The following PTPRT variants were observed in gnomAD, a reference collection of about 807,000 sequenced individuals.
PTPRT encodes receptor-type tyrosine-protein phosphatase T.
PTPRT carries 56 observed loss-of-function variants against 176.8 expected under a neutral mutation model. The observed-to-expected ratio is 0.32, with a 90% CI of 0.26 to 0.40. PTPRT has a LOEUF of 0.40. Among genes scored for constraint, PTPRT ranks in the 10% least tolerant of loss-of-function variants. PTPRT has a pLI of 1.00. For synonymous variants in PTPRT, 783 were observed against 739.0 expected (o/e 1.06, Z -0.96); for missense variants, 1,540 against 1,908.2 (o/e 0.81, Z 3.60).
chr20:42,643,345 G>C (rs1277113782), intron 7 of PTPRT, among the ~76,000 whole-genome samples: 2 of 151,996 alleles, frequency 1.3e-5, no homozygotes, highest in Non-Finnish European at 2.9e-5. Flanking sequence ...TTTTGAGAGA[G>C]GGTCTTGTTC....
intron 11 of PTPRT, among the ~76,000 whole-genome samples, chr20:42,342,055 T>C (rs1390905106): frequency 1.3e-5 from 2 of 152,222 alleles, no homozygotes; most frequent in East Asian, 3.9e-4. Flanking sequence ...CAAACCCACC[T>C]ACATTATTTG....
At chr20:42,639,131 A>G (rs13041943) in intron 7 of PTPRT, among the ~76,000 whole-genome samples, 3 of 152,180 alleles carry the variant, frequency 2.0e-5, no homozygotes, top group Non-Finnish European at 4.4e-5. Flanking sequence ...GCCCAAATGC[A>G]CACTTGACCT....
chr20:42,795,970 T>C (rs984248404), intron 2 of PTPRT, among the ~76,000 whole-genome samples: 20 of 152,246 alleles, frequency 1.3e-4, no homozygotes, highest in African/African-American at 4.6e-4. Context: ...CTTATGTTTA[T>C]TGAGAACTTA....
chr20:43,152,662 T>C (rs1022762963), intron 1 of PTPRT, among the ~76,000 whole-genome samples: 2 of 152,230 alleles, frequency 1.3e-5, no homozygotes, highest in Non-Finnish European at 2.9e-5. Context: ...GACCTGTCAA[T>C]GTAGAGGATG....
At chr20:42,214,085 T>G (rs1300210227) in intron 15 of PTPRT, among the ~76,000 whole-genome samples, 2 of 152,112 alleles carry the variant, frequency 1.3e-5, no homozygotes, top group African/African-American at 2.4e-5. Flanking sequence ...ATTTTACAGA[T>G]AAAAGAATTG....
chr20:42,736,639 T>C (rs1419400870), intron 6 of PTPRT, among the ~76,000 whole-genome samples: 1 of 152,120 alleles, frequency 6.6e-6, no homozygotes, highest in Non-Finnish European at 1.5e-5. Flanking sequence ...ATTTGTGTGG[T>C]CAAGAAAGGG....
At chr20:42,953,819 C>T (rs995680556) in intron 1 of PTPRT, among the ~76,000 whole-genome samples, 3 of 152,192 alleles carry the variant, frequency 2.0e-5, no homozygotes, top group African/African-American at 7.2e-5. Flanking sequence ...CCAGATTCTT[C>T]TCTGTTTAGG....
At chr20:42,034,900 C>A in the PTPRT span, among the ~76,000 whole-genome samples, 1 of 152,176 alleles carries the variant, frequency 6.6e-6, no homozygotes, top group Non-Finnish European at 1.5e-5. Flanking sequence ...TGAGGCTTAA[C>A]AGTGAACATT....
intron 7 of PTPRT, among the ~76,000 whole-genome samples, chr20:42,592,146 AT>A (rs11483312): frequency 0.24 from 33,967 of 140,732 alleles, 4,381 homozygotes; most frequent in African/African-American, 0.37. Flanking sequence ...CACCCAGCTA[AT>A]TTTTTTTTTT....
intron 7 of PTPRT, among the ~76,000 whole-genome samples, chr20:42,641,606 G>A (rs1421936241): frequency 1.3e-5 from 2 of 152,116 alleles, no homozygotes; most frequent in Non-Finnish European, 2.9e-5. Flanking sequence ...AGTATGCTTT[G>A]CCATCACTGG....
intron 17 of PTPRT, among the ~76,000 whole-genome samples, chr20:42,159,476 G>C (rs1439144452): frequency 6.7e-6 from 1 of 150,136 alleles, no homozygotes; most frequent in African/African-American, 2.5e-5. Context: ...TAATCTTCCT[G>C]ACATTTGTTC....
chr20:42,237,515 C>A (rs2056269389), intron 14 of PTPRT, among the ~76,000 whole-genome samples: 1 of 152,178 alleles, frequency 6.6e-6, no homozygotes, highest in South Asian at 2.1e-4. Flanking sequence ...TGCTGCCCCC[C>A]ACCATCCACC....
chr20:42,121,616 T>G (rs752495943), intron 19 of PTPRT, among the ~76,000 whole-genome samples: 1 of 151,976 alleles, frequency 6.6e-6, no homozygotes, highest in Non-Finnish European at 1.5e-5. Context: ...TCATTGTGCC[T>G]CAGTTTTAAA....
chr20:42,904,201 G>A lies in PTPRT; in HGVS notation c.89-18269C>T, dbSNP rs375124792. Reference sequence around the variant, plus strand: ...CTCTACGCACATTTTTTTTTAATCTGCAAAGGACCAATGCAGATGATCCTA... The same window carrying A: ...CTCTACGCACATTTTTTTTTAATCTACAAAGGACCAATGCAGATGATCCTA... On this transcript the variant is annotated intron_variant, in intron 1 of 30. Coordinates refer to ENST00000373187, the MANE Select transcript of PTPRT (RefSeq NM_007050.6). Among the ~76,000 whole-genome samples the A allele has an allele frequency of 7.2e-5, 11 of 151,952 alleles. No individual in the cohort carries two copies. The East Asian group carries it at 1.5e-3, about 21-fold the overall frequency.
intron 20 of PTPRT, 89 bp downstream of exon 20, chr20:42,119,846 G>A (rs771367525): frequency 4.2e-5 from 50 of 1,181,712 alleles, no homozygotes; most frequent in Non-Finnish European, 5.3e-5. Flanking sequence ...AGATATAGGA[G>A]GAGAGGACAA....
the PTPRT span, among the ~76,000 whole-genome samples, chr20:42,034,689 GGT>G: frequency 6.6e-6 from 1 of 152,062 alleles, no homozygotes; most frequent in African/African-American, 2.4e-5. Flanking sequence ...TTATGTGTGT[GGT>G]GTGTGTGTTA....
chr20:42,074,447 T>C lies in PTPRT; in HGVS notation c.*6432A>G, dbSNP rs140503676. On this transcript the variant is annotated 3_prime_UTR_variant, in exon 31 of 31. Transcript: ENST00000373187. ...AGCTCCAGGCTTTTATACTGATACTTTTCTGTCCAACACTTCAAGGCCACC... is the reference window on the plus strand; with the variant it reads ...AGCTCCAGGCTTTTATACTGATACTCTTCTGTCCAACACTTCAAGGCCACC... 334 of 278,060 alleles carry C rather than the reference T, an allele frequency of 1.2e-3. 1 individual carries two copies. Among genetic ancestry groups the C allele is most frequent in the African/African-American group, 6.6e-3 (308 of 46,774 alleles). The allele number at this position is 278,060 out of a possible 1,614,324, so 17.2% of individuals were successfully genotyped here. A position where few individuals can be genotyped will look rare whatever the true frequency, so the allele number is the denominator to read the frequency against.
intron 1 of PTPRT, among the ~76,000 whole-genome samples, chr20:43,082,722 T>G (rs1056354392): frequency 6.6e-6 from 1 of 152,184 alleles, no homozygotes; most frequent in Non-Finnish European, 1.5e-5. Flanking sequence ...AACTAATGCT[T>G]ATGGGTTTTT....
intron 4 of PTPRT, among the ~76,000 whole-genome samples, chr20:42,775,686 A>G (rs1296066116): frequency 1.3e-5 from 2 of 152,210 alleles, no homozygotes; most frequent in Non-Finnish European, 2.9e-5. Context: ...AATTATCTAC[A>G]GTTCTAATTT....
Sources: gnomAD v4.1 joint callset for allele counts (sites outside exome capture counted in the v4.1 genomes callset) on GRCh38, gnomAD v4.1.1 for gene constraint, MANE v1.5 for transcripts, NCBI Gene and HGNC (gene_info 2026-07-23, HGNC 2026-07-21) for gene names.